Variants in AUTS2 observed in about 807,000 individuals in gnomAD.
AUTS2 encodes activator of transcription and developmental regulator AUTS2, also known as autism susceptibility gene 2 protein.
A neutral mutation model predicts 112.4 loss-of-function variants in AUTS2; 17 were observed. The ratio of observed to expected loss-of-function variants is 0.15; its 90% CI spans 0.10 to 0.23. The LOEUF is 0.23. Ranked by LOEUF, AUTS2 falls within the 10% of genes least tolerant of loss-of-function variation. AUTS2 has a pLI of 1.00. For synonymous variants in AUTS2, 751 were observed against 702.7 expected, an observed-to-expected ratio of 1.07 and a Z score of -1.09; for missense variants, 1,510 against 1,701.6, an observed-to-expected ratio of 0.89 and a Z score of 1.98.
intron 5 of AUTS2, among the ~76,000 whole-genome samples, chr7:70,484,350 T>A (rs1189932762): frequency 1.3e-5 from 2 of 152,222 alleles, no homozygotes; most frequent in Non-Finnish European, 2.9e-5. Flanking sequence ...TTTCCACTCT[T>A]AGAAGTCAGC....
intron 5 of AUTS2, among the ~76,000 whole-genome samples, chr7:70,683,748 A>G (rs987784820): frequency 3.2e-4 from 49 of 152,234 alleles, no homozygotes; most frequent in African/African-American, 1.2e-3. Flanking sequence ...CCCTGACCCT[A>G]TGTAACAGCG....
chr7:69,985,928 A>T (rs1798494981), intron 2 of AUTS2, among the ~76,000 whole-genome samples: 3 of 151,896 alleles, frequency 2.0e-5, no homozygotes, highest in Admixed American at 1.3e-4. Context: ...GCTAATTCTT[A>T]AAAAAAGTTT....
intron 1 of AUTS2, among the ~76,000 whole-genome samples, chr7:69,758,138 G>C (rs190897931): frequency 2.0e-5 from 3 of 152,332 alleles, no homozygotes; most frequent in Admixed American, 2.0e-4. Flanking sequence ...TCATTGAGGT[G>C]CTGATCCTAG....
intron 2 of AUTS2, among the ~76,000 whole-genome samples, chr7:69,971,243 C>T (rs759235963): frequency 2.6e-5 from 4 of 152,032 alleles, no homozygotes; most frequent in Admixed American, 6.6e-5. Context: ...GGAGTCTGGC[C>T]GACCTGAGTT....
At chr7:70,367,897 A>T (rs1348997591) in intron 4 of AUTS2, among the ~76,000 whole-genome samples, 2 of 152,234 alleles carry the variant, frequency 1.3e-5, no homozygotes, top group Admixed American at 1.3e-4. Context: ...GGTTAGAATC[A>T]TTCGAAAAGA....
chr7:69,878,634 G>A (rs116443547), intron 1 of AUTS2, among the ~76,000 whole-genome samples: 95 of 152,286 alleles, frequency 6.2e-4, no homozygotes, highest in African/African-American at 2.2e-3. Flanking sequence ...CACATGACTC[G>A]GAGAGGCAGA....
intron 14 of AUTS2, among the ~76,000 whole-genome samples, chr7:70,779,182 T>C (rs1451114069): frequency 6.6e-6 from 1 of 152,226 alleles, no homozygotes; most frequent in African/African-American, 2.4e-5. Flanking sequence ...TATAGATTCA[T>C]AGTGAATTAG....
chr7:70,643,752 C>G (rs1805988737), intron 5 of AUTS2, among the ~76,000 whole-genome samples: 1 of 152,194 alleles, frequency 6.6e-6, no homozygotes, highest in African/African-American at 2.4e-5. Flanking sequence ...TGTATCATCT[C>G]TGATCTCTCT....
intron 1 of AUTS2, among the ~76,000 whole-genome samples, chr7:69,740,617 G>A (rs533222297): frequency 2.0e-5 from 3 of 151,964 alleles, no homozygotes; most frequent in African/African-American, 4.8e-5. Context: ...TCCACCTCCC[G>A]GGTTCAAGGA....
At chr7:69,748,968 T>G (rs1787624196) in intron 1 of AUTS2, among the ~76,000 whole-genome samples, 1 of 152,062 alleles carries the variant, frequency 6.6e-6, no homozygotes, top group African/African-American at 2.4e-5. Flanking sequence ...AGGGAGGTAG[T>G]GGGGTGAGGT....
intron 4 of AUTS2, among the ~76,000 whole-genome samples, chr7:70,170,653 G>A (rs894005470): frequency 2.7e-5 from 4 of 149,406 alleles, no homozygotes; most frequent in Admixed American, 6.7e-5. Flanking sequence ...CTGGAGTGCG[G>A]TGGTGCGATC....
intron 2 of AUTS2, among the ~76,000 whole-genome samples, chr7:69,979,445 G>A (rs6978818): frequency 6.6e-6 from 1 of 152,124 alleles, no homozygotes; most frequent in African/African-American, 2.4e-5. Context: ...CAACTGAAAA[G>A]TTCCAAGGGC....
intron 6 of AUTS2, among the ~76,000 whole-genome samples, chr7:70,750,858 G>A (rs978851946): frequency 2.0e-5 from 3 of 152,276 alleles, no homozygotes; most frequent in Admixed American, 6.5e-5. Flanking sequence ...TATGTAAGTC[G>A]GTCTTTGCTG....
intron 1 of AUTS2, among the ~76,000 whole-genome samples, chr7:69,656,289 T>C (rs576001270): frequency 6.6e-6 from 1 of 152,328 alleles, no homozygotes; most frequent in African/African-American, 2.4e-5. Flanking sequence ...TTGGGAAATA[T>C]AAGCTTGCCA....
At chr7:70,450,729 A>G (rs1258018285) in intron 5 of AUTS2, among the ~76,000 whole-genome samples, 1 of 152,106 alleles carries the variant, frequency 6.6e-6, no homozygotes, top group Admixed American at 6.6e-5. Flanking sequence ...GGATGGAGTG[A>G]AAGGGGGTGA....
intron 3 of AUTS2, among the ~76,000 whole-genome samples, chr7:70,121,096 G>A (rs62458802): frequency 6.6e-6 from 1 of 152,154 alleles, no homozygotes; most frequent in African/African-American, 2.4e-5. Context: ...CTTCAATGGG[G>A]AAAGAATTTT....
At chr7:70,336,681 A>T (rs1448896390) in intron 4 of AUTS2, among the ~76,000 whole-genome samples, 1 of 152,170 alleles carries the variant, frequency 6.6e-6, no homozygotes, top group African/African-American at 2.4e-5. Context: ...TTAGCTAAGA[A>T]TATCTTTAAC....
intron 1 of AUTS2, among the ~76,000 whole-genome samples, chr7:69,695,344 T>G (rs186747273): frequency 1.3e-5 from 2 of 151,708 alleles, no homozygotes; most frequent in African/African-American, 4.8e-5. Context: ...AGAAAAAAAA[T>G]TTTTTTAAAA....
At chr7:70,524,532 A>G (rs1258999302) in intron 5 of AUTS2, among the ~76,000 whole-genome samples, 4 of 152,178 alleles carry the variant, frequency 2.6e-5, no homozygotes, top group East Asian at 1.9e-4. Context: ...GCAGAAAGAA[A>G]TGGCCTGGAG....
Sources: allele counts gnomAD v4.1 joint callset (sites outside exome capture counted in the v4.1 genomes callset), GRCh38; gene constraint gnomAD v4.1.1; transcripts MANE v1.5; gene names NCBI Gene and HGNC (gene_info 2026-07-23, HGNC 2026-07-21).